Variants in GRM5 observed in about 807,000 individuals in gnomAD.
GRM5 encodes glutamate metabotropic receptor 5, also known as metabotropic glutamate receptor 5.
A neutral mutation model predicts 83.1 loss-of-function variants in GRM5; 19 were observed. That is an observed-to-expected ratio of 0.23 (90% CI 0.16 to 0.34). The LOEUF (loss-of-function observed/expected upper bound fraction) is 0.34, where lower values mean the gene tolerates loss of function less well. Ranked by LOEUF, GRM5 falls within the 10% of genes least tolerant of loss-of-function variation. The probability of loss-of-function intolerance (pLI) is 1.00; values close to 1 mark genes in which losing one functional copy is unlikely to be tolerated. For missense variants in GRM5, 1,160 were observed against 1,588.3 expected (o/e 0.73, Z 4.58); for synonymous variants, 675 against 633.6 (o/e 1.07, Z -0.98).
At position 88,986,727 on chromosome 11, in the gene GRM5, C is replaced by CTTTTTTTTT. The variant is rs60281684; in HGVS notation, c.661+60476_661+60484dup. Among the ~76,000 whole-genome samples, 53 of 93,100 alleles carry CTTTTTTTTT rather than the reference C, an allele frequency of 5.7e-4. 1 individual carries two copies. The highest frequency in any genetic ancestry group is 1.9e-3 in the East Asian group (5 of 2,688). The allele number at this position is 93,100 out of a possible 152,430, so 61.1% of individuals were successfully genotyped here. ...ATATAGTCAGATGAGTTTATTTTTG[C>CTTTTTTTTT]TTTTTTTTTTTTTTTTTTTTGCACT... On this transcript the variant is annotated intron_variant, in intron 2 of 9. Transcript: ENST00000305447.
intron 3 of GRM5, among the ~76,000 whole-genome samples, chr11:88,700,718 C>G (rs1210299737): frequency 6.6e-6 from 1 of 152,032 alleles, no homozygotes; most frequent in Non-Finnish European, 1.5e-5. Context: ...CACAGAACAG[C>G]CAAGGAGGTG....
At chr11:88,830,895 G>A (rs1205855063) in intron 3 of GRM5, among the ~76,000 whole-genome samples, 2 of 152,128 alleles carry the variant, frequency 1.3e-5, no homozygotes, top group African/African-American at 4.8e-5. Flanking sequence ...TCACATGGAT[G>A]GCAGCAGGCA....
chr11:88,906,704 T>C (rs593463), intron 2 of GRM5, among the ~76,000 whole-genome samples: 1 of 152,210 alleles, frequency 6.6e-6, no homozygotes, highest in African/African-American at 2.4e-5. Flanking sequence ...GCATAAATTT[T>C]GAGTTTTAGT....
rs539514900 is a variant in GRM5 at position 88,743,337 on chromosome 11, T to G, written c.912-89934A>C. Among the ~76,000 whole-genome samples the G allele has an allele frequency of 2.0e-5, 3 of 152,270 alleles. No individual in the cohort carries two copies. In the South Asian group the frequency reaches 6.2e-4, roughly 32 times the overall value. On this transcript the variant is annotated intron_variant, in intron 3 of 9. Coordinates refer to ENST00000305447, the MANE Select transcript of GRM5 (RefSeq NM_001143831.3). ...TAGACTTCATGTTATGTTCAGGTTT[T>G]ACTAGTACAAGATTCTAGGGGGAAG...
At chr11:88,770,203 A>C (rs1591502462) in intron 3 of GRM5, among the ~76,000 whole-genome samples, 1 of 152,192 alleles carries the variant, frequency 6.6e-6, no homozygotes, top group South Asian at 2.1e-4. Context: ...AAACTGTTAC[A>C]GCCAAGAGGA....
chr11:88,593,222 G>C (rs190648310), intron 6 of GRM5, among the ~76,000 whole-genome samples: 8 of 152,300 alleles, frequency 5.3e-5, no homozygotes, highest in Admixed American at 4.6e-4. Flanking sequence ...AAAATGCCAT[G>C]AGATGTTGAT....
chr11:88,786,016 G>T, intron 3 of GRM5, among the ~76,000 whole-genome samples: 1 of 151,968 alleles, frequency 6.6e-6, no homozygotes, highest in East Asian at 1.9e-4. Context: ...ACTACCAAGG[G>T]GAAGCATACA....
chr11:88,582,489 C>T (rs1171335641), intron 7 of GRM5, among the ~76,000 whole-genome samples: 1 of 152,150 alleles, frequency 6.6e-6, no homozygotes, highest in African/African-American at 2.4e-5. Context: ...AGATAGCCAG[C>T]TGTATAGCAT....
intron 5 of GRM5, 45 bp from the exon 6 acceptor site, chr11:88,597,397 A>G: frequency 1.9e-6 from 2 of 1,059,952 alleles, no homozygotes; most frequent in Non-Finnish European, 2.7e-6. Flanking sequence ...AGATGTAAAT[A>G]CTCAGCTTTG....
At chr11:88,861,236 G>C (rs1944556737) in intron 2 of GRM5, among the ~76,000 whole-genome samples, 1 of 152,008 alleles carries the variant, frequency 6.6e-6, no homozygotes. Flanking sequence ...TTCATGATCT[G>C]CTGCTTGACT....
intron 2 of GRM5, among the ~76,000 whole-genome samples, chr11:89,028,455 G>A (rs536484067): frequency 2.2e-4 from 33 of 152,230 alleles, no homozygotes; most frequent in Non-Finnish European, 3.5e-4. Flanking sequence ...AGGAGTGGTG[G>A]TGTGCACCTG....
chr11:88,854,773 G>T, intron 2 of GRM5, among the ~76,000 whole-genome samples: 1 of 151,586 alleles, frequency 6.6e-6, no homozygotes, highest in Non-Finnish European at 1.5e-5. Flanking sequence ...GAACACCCTG[G>T]ATATAAAATA....
intron 1 of GRM5, among the ~76,000 whole-genome samples, chr11:89,064,886 C>G (rs61903379): frequency 0.11 from 8,175 of 71,550 alleles, 411 homozygotes; most frequent in Middle Eastern, 0.21. Flanking sequence ...CTCTCTCTCT[C>G]TCTGTGTGTG....
chr11:88,946,308 T>G (rs1275051278), intron 2 of GRM5, among the ~76,000 whole-genome samples: 1 of 152,156 alleles, frequency 6.6e-6, no homozygotes, highest in Non-Finnish European at 1.5e-5. Context: ...GTTCAGCCAC[T>G]GTGGAAAGCA....
chr11:88,818,282 A>T (rs1164282098), intron 3 of GRM5, among the ~76,000 whole-genome samples: 3 of 152,106 alleles, frequency 2.0e-5, no homozygotes, highest in African/African-American at 7.2e-5. Context: ...TTTATTCAGC[A>T]ATATGTTGTA....
intron 3 of GRM5, among the ~76,000 whole-genome samples, chr11:88,783,440 C>T (rs1327478188): frequency 6.6e-6 from 1 of 151,982 alleles, no homozygotes; most frequent in Non-Finnish European, 1.5e-5. Flanking sequence ...GGCACTAGCA[C>T]ACTAAAAAGA....
At chr11:88,863,984 T>C (rs1944614334) in intron 2 of GRM5, among the ~76,000 whole-genome samples, 2 of 151,376 alleles carry the variant, frequency 1.3e-5, no homozygotes, top group Non-Finnish European at 2.9e-5. Context: ...TCCAGTACAA[T>C]AAAGGTGAAC....
intron 2 of GRM5, among the ~76,000 whole-genome samples, chr11:89,011,079 G>A (rs959131673): frequency 2.0e-5 from 3 of 152,158 alleles, no homozygotes; most frequent in African/African-American, 7.2e-5. Context: ...CATTTTCTAA[G>A]GAAACTCAAT....
At chr11:89,056,442 G>A (rs1052837162) in intron 1 of GRM5, among the ~76,000 whole-genome samples, 2 of 152,112 alleles carry the variant, frequency 1.3e-5, no homozygotes, top group Non-Finnish European at 2.9e-5. Context: ...AAGAAAAGAT[G>A]AAGAAAAATA....
Sources: gnomAD v4.1 joint callset for allele counts (sites outside exome capture counted in the v4.1 genomes callset) on GRCh38, gnomAD v4.1.1 for gene constraint, MANE v1.5 for transcripts, NCBI Gene and HGNC (gene_info 2026-07-23, HGNC 2026-07-21) for gene names.